The following HEPN1 variants were observed in gnomAD, a reference collection of about 807,000 sequenced individuals.
The protein encoded by HEPN1 is hepatocellular carcinoma, down-regulated 1.
For synonymous variants in HEPN1, 46 were observed against 41.2 expected (o/e 1.12, Z -0.45); for missense variants, 97 against 103.3 (o/e 0.94, Z 0.26).
chr11:124,920,210 G>C (rs1405816483), exon 1 of HEPN1: 24 of 866,864 alleles, frequency 2.8e-5, no homozygotes, highest in Non-Finnish European at 4.1e-5. Context: ...CAACTTTCCT[G>C]AGGACAATGA....
exon 1 of HEPN1, chr11:124,919,919 G>A (rs886222939): frequency 5.6e-6 from 9 of 1,613,984 alleles, no homozygotes; most frequent in Non-Finnish European, 7.6e-6. Context: ...TCCTCACACA[G>A]TAGATTACTG....
chr11:124,919,776 C>T (rs1565335842), exon 1 of HEPN1: 1 of 1,613,918 alleles, frequency 6.2e-7, no homozygotes, highest in South Asian at 1.1e-5. Flanking sequence ...CTTGGAATTG[C>T]TCCATGGGTT....
exon 1 of HEPN1, chr11:124,919,476 A>G: frequency 2.1e-6 from 1 of 478,370 alleles, no homozygotes; most frequent in Non-Finnish European, 3.8e-6. Context: ...TCACCTGTGC[A>G]TCTCAAGGCT....
In HEPN1 at chr11:124,919,345, C is replaced by CA; in HGVS notation, c.-406_-405insA. On this transcript the variant is annotated 5_prime_UTR_variant, in exon 1 of 1. An upstream open reading frame in the 5' UTR gains an earlier in-frame stop. Transcript: ENST00000408930. The stretch of plus-strand genomic sequence containing the variant: ...AGATGAAAACAACACAAAAACAAAC[C>CA]CCACTTCCTTACTTACCCCTCCCCA... The CA allele has an allele frequency of 5.1e-6, 1 of 194,882 alleles. No individual in the cohort carries two copies. 12.1% of individuals were successfully genotyped at this position (194,882 alleles called of 1,614,324 possible).
In HEPN1 at chr11:124,920,648, TG is replaced by T. The variant is rs990908894; in HGVS notation, c.*634del. The T allele has an allele frequency of 3.1e-6, 3 of 965,282 alleles. No individual in the cohort carries two copies. In the African/African-American group the frequency reaches 6.4e-5, roughly 21 times the overall value. 59.8% of individuals were successfully genotyped at this position (965,282 alleles called of 1,614,324 possible). A position where few individuals can be genotyped will look rare whatever the true frequency, so the allele number is the denominator to read the frequency against. On this transcript the variant is annotated 3_prime_UTR_variant, in exon 1 of 1. Transcript: ENST00000408930. ...CTTAGCTTAGTGCAGCTGTGGATTC[TG>T]GGAAAGTGGCCTCTCTAATCTGAAC... is the stretch of plus-strand genomic sequence containing the variant.
chr11:124,919,982 C>T, the HEPN1 span: 5 of 1,613,376 alleles, frequency 3.1e-6, no homozygotes, highest in Non-Finnish European at 3.4e-6. Flanking sequence ...CCTGGCTACA[C>T]AGCGGCCCAG....
At chr11:124,920,131 T>A in exon 1 of HEPN1, 2 of 1,204,286 alleles carry the variant, frequency 1.7e-6, no homozygotes, top group Non-Finnish European at 2.4e-6. Context: ...TGGGAAGCAA[T>A]AAGCCTCCTC....
At chr11:124,920,037 T>C in exon 1 of HEPN1, 3 of 1,606,602 alleles carry the variant, frequency 1.9e-6, no homozygotes, top group Non-Finnish European at 2.6e-6. Flanking sequence ...CTGCCCTTTT[T>C]CTGTGCCCTG....
chr11:124,919,849 G>C, exon 1 of HEPN1: 1 of 1,609,900 alleles, frequency 6.2e-7, no homozygotes, highest in Non-Finnish European at 8.5e-7. Flanking sequence ...AGGCATTAAG[G>C]AGGAGGGAAT....
At position 124,919,574 on chromosome 11, in the gene HEPN1, T is replaced by A; in HGVS notation, c.-177T>A. 1 of 643,146 alleles carries A rather than the reference T, an allele frequency of 1.6e-6. No individual in the cohort carries two copies. Among genetic ancestry groups the A allele is most frequent in the Non-Finnish European group, 2.7e-6 (1 of 375,186 alleles). 39.8% of individuals were successfully genotyped at this position (643,146 alleles called of 1,614,324 possible). ...CCTACATGCATTATCTCATTATGGA[T>A]GAGGCACCTGGGAAGTTTAGGGGAG... is the stretch of plus-strand genomic sequence containing the variant. On this transcript the variant is annotated 5_prime_UTR_variant, in exon 1 of 1. An upstream start codon of the reference 5' UTR is lost. Transcript: ENST00000408930.
exon 1 of HEPN1, chr11:124,920,091 C>A: frequency 6.6e-7 from 1 of 1,509,228 alleles, no homozygotes; most frequent in Non-Finnish European, 9.0e-7. Context: ...GGCAGGAGGC[C>A]AGGGGTTGGA....
At chr11:124,920,072 C>A (rs1947105705) in exon 1 of HEPN1, 1 of 1,561,886 alleles carries the variant, frequency 6.4e-7, no homozygotes, top group Non-Finnish European at 8.7e-7. Context: ...GGGAGCAGGG[C>A]AGATGGGTGG....
chr11:124,920,446 C>T, exon 1 of HEPN1: 1 of 1,546,420 alleles, frequency 6.5e-7, no homozygotes. Context: ...AGCTGGCAGG[C>T]TCGGGTTCTT....
chr11:124,919,736 C>G (rs756900952), exon 1 of HEPN1: 1 of 1,611,670 alleles, frequency 6.2e-7, no homozygotes, highest in Non-Finnish European at 8.5e-7. Context: ...CAAAACTTGA[C>G]CTGGTGTGGA....
chr11:124,920,632 G>A (rs1947116424), exon 1 of HEPN1: 7 of 1,008,062 alleles, frequency 6.9e-6, no homozygotes, highest in Non-Finnish European at 8.3e-6. Context: ...CCTTAGCTTA[G>A]TGCAGCTGTG....
chr11:124,919,378 T>G, exon 1 of HEPN1: 1 of 237,304 alleles, frequency 4.2e-6, no homozygotes, highest in Non-Finnish European at 8.1e-6. Context: ...CCACCCCCAA[T>G]TTAAGGCAGA....
At chr11:124,920,279 A>T in exon 1 of HEPN1, 1 of 1,053,822 alleles carries the variant, frequency 9.5e-7, no homozygotes, top group Non-Finnish European at 1.4e-6. Context: ...TTGATGAGCT[A>T]AAACAGTTCC....
rs1358194389 is a variant in HEPN1, at chr11:124,919,656, G to A, written c.-95G>A. 2 of 1,411,736 alleles carry A rather than the reference G, an allele frequency of 1.4e-6. No homozygotes were observed. The highest frequency in any genetic ancestry group is 2.5e-4 in the Middle Eastern group (1 of 3,922). The allele number at this position is 1,411,736 out of a possible 1,614,324, so 87.5% of individuals were successfully genotyped here. ...GGGAAGTGCCGAGGGACAGGGAGCTGAGACAGGCATGCTGTGGGGTTCAGG... is the reference window on the plus strand; with the variant it reads ...GGGAAGTGCCGAGGGACAGGGAGCTAAGACAGGCATGCTGTGGGGTTCAGG... On this transcript the variant is annotated 5_prime_UTR_variant, in exon 1 of 1. It removes the in-frame stop codon of an upstream open reading frame in the 5' UTR. Transcript: ENST00000408930.
exon 1 of HEPN1, chr11:124,920,121 T>C (rs1338526962): frequency 5.4e-6 from 7 of 1,306,844 alleles, no homozygotes; most frequent in African/African-American, 1.5e-5. Context: ...CCCCAAATGC[T>C]GGGAAGCAAT....
Sources: gnomAD v4.1 joint callset for allele counts on GRCh38, gnomAD v4.1.1 for gene constraint, MANE v1.5 for transcripts, NCBI Gene and HGNC (gene_info 2026-07-23, HGNC 2026-07-21) for gene names.